THSD4: variants seen among roughly 807,000 people sequenced by gnomAD.
THSD4 encodes the protein thrombospondin type 1 domain containing 4.
In THSD4, 69 loss-of-function variants were observed where a neutral mutation model predicts 119.0. The ratio of observed to expected loss-of-function variants is 0.58; its 90% CI spans 0.48 to 0.71. The LOEUF is 0.71. THSD4 is among the 30% of genes least tolerant of loss of function. THSD4 has a pLI of 0.00. For synonymous variants in THSD4, 524 were observed against 540.4 expected (o/e 0.97, Z 0.42); for missense variants, 1,393 against 1,391.1 (o/e 1.00, Z -0.02).
chr15:71,155,746 CT>C (rs1482703388), intron 3 of THSD4, among the ~76,000 whole-genome samples: 1 of 152,170 alleles, frequency 6.6e-6, no homozygotes, highest in African/African-American at 2.4e-5. Context: ...AGAGAACCCC[CT>C]GATAGGGAGT....
At chr15:71,668,003 A>G (rs1256947624) in intron 8 of THSD4, among the ~76,000 whole-genome samples, 21 of 152,164 alleles carry the variant, frequency 1.4e-4, no homozygotes. Flanking sequence ...TATCATGGGT[A>G]TCTTTTCATA....
At chr15:71,592,283 C>T (rs1424743123) in intron 7 of THSD4, among the ~76,000 whole-genome samples, 1 of 152,216 alleles carries the variant, frequency 6.6e-6, no homozygotes, top group African/African-American at 2.4e-5. Context: ...CCTGTTCCCC[C>T]ATGTTCCACC....
chr15:71,463,674 GATCT>G (rs1363487127), intron 7 of THSD4, among the ~76,000 whole-genome samples: 2 of 152,128 alleles, frequency 1.3e-5, no homozygotes, highest in African/African-American at 4.8e-5. Context: ...GGTTCACAAA[GATCT>G]ATCTATTGAC....
chr15:71,667,883 G>A (rs77080847), intron 8 of THSD4, among the ~76,000 whole-genome samples: 13 of 152,136 alleles, frequency 8.5e-5, no homozygotes, highest in Non-Finnish European at 1.5e-4. Flanking sequence ...ACTGTTCACA[G>A]TTCATTGTGT....
chr15:71,469,180 G>A (rs1203215606), intron 7 of THSD4, among the ~76,000 whole-genome samples: 1 of 152,120 alleles, frequency 6.6e-6, no homozygotes, highest in Non-Finnish European at 1.5e-5. Context: ...TCAAACACCT[G>A]CAGCTCACTT....
At chr15:71,378,209 A>T (rs577234694) in intron 6 of THSD4, among the ~76,000 whole-genome samples, 1 of 152,304 alleles carries the variant, frequency 6.6e-6, no homozygotes, top group Non-Finnish European at 1.5e-5. Flanking sequence ...TCTGGCAGGT[A>T]ACAGTAAAGT....
rs1215586093 is a variant in THSD4 at position 71,559,305 on chromosome 15, T to A, written c.1153-101225T>A. Among the ~76,000 whole-genome samples, 5 of 152,300 alleles carry A rather than the reference T, an allele frequency of 3.3e-5. No homozygotes were observed. In the East Asian group the frequency reaches 9.6e-4, roughly 29 times the overall value. ...GTACCTGTGGTTTCTGAGTTTAGAATTTTTTCATCTCTGCAATAGTCTGTT... is the reference window on the plus strand; with the variant it reads ...GTACCTGTGGTTTCTGAGTTTAGAAATTTTTCATCTCTGCAATAGTCTGTT... On this transcript the variant is annotated intron_variant, in intron 7 of 17. Coordinates refer to ENST00000261862, the MANE Select transcript of THSD4 (RefSeq NM_024817.3).
At chr15:71,241,741 C>T (rs1031975181) in intron 4 of THSD4, among the ~76,000 whole-genome samples, 3 of 152,132 alleles carry the variant, frequency 2.0e-5, no homozygotes, top group South Asian at 2.1e-4. Context: ...CCACGTCCCC[C>T]GCCCCACCCC....
At chr15:71,217,631 A>C (rs2043945427) in intron 4 of THSD4, among the ~76,000 whole-genome samples, 1 of 152,092 alleles carries the variant, frequency 6.6e-6, no homozygotes, top group South Asian at 2.1e-4. Context: ...TCAAAAAAAA[A>C]AAAAAGATCA....
chr15:71,435,082 A>C (rs796249156), intron 7 of THSD4, among the ~76,000 whole-genome samples: 4 of 152,370 alleles, frequency 2.6e-5, no homozygotes, highest in African/African-American at 9.6e-5. Context: ...ATCAATGACA[A>C]ATGTGTGCTC....
At chr15:71,631,026 G>A (rs994433389) in intron 7 of THSD4, among the ~76,000 whole-genome samples, 4 of 152,116 alleles carry the variant, frequency 2.6e-5, no homozygotes, top group South Asian at 4.1e-4. Context: ...AAAAACACCC[G>A]CAGACATTTC....
intron 7 of THSD4, among the ~76,000 whole-genome samples, chr15:71,505,988 T>G (rs1179427856): frequency 6.6e-6 from 1 of 152,212 alleles, no homozygotes; most frequent in African/African-American, 2.4e-5. Context: ...AAATGGTGTT[T>G]TATTTATTTT....
At chr15:71,210,257 A>G (rs1399962557) in intron 3 of THSD4, among the ~76,000 whole-genome samples, 1 of 152,190 alleles carries the variant, frequency 6.6e-6, no homozygotes, top group Non-Finnish European at 1.5e-5. Flanking sequence ...TTTCATCTGT[A>G]AAGGGAGGTG....
intron 4 of THSD4, among the ~76,000 whole-genome samples, chr15:71,216,026 C>CT (rs1438013163): frequency 6.8e-6 from 1 of 147,782 alleles, no homozygotes; most frequent in Non-Finnish European, 1.5e-5. Flanking sequence ...TGGTATAGCT[C>CT]TAAGAAGCAT....
At chr15:71,761,576 A>G (rs2053628527) in intron 15 of THSD4, among the ~76,000 whole-genome samples, 1 of 152,254 alleles carries the variant, frequency 6.6e-6, no homozygotes, top group South Asian at 2.1e-4. Flanking sequence ...GTAAATTCAC[A>G]AAGTTGTACA....
intron 6 of THSD4, among the ~76,000 whole-genome samples, chr15:71,275,387 GC>G (rs2044578236): frequency 6.6e-6 from 1 of 152,218 alleles, no homozygotes. Flanking sequence ...CACTCTCCGA[GC>G]AGAGGTCACC....
chr15:71,602,492 G>A (rs113265154), intron 7 of THSD4, among the ~76,000 whole-genome samples: 11,481 of 132,658 alleles, frequency 0.087, 490 homozygotes, highest in Admixed American at 0.15. Flanking sequence ...GGCAGAGGTT[G>A]CAGTGAGCCA....
chr15:71,735,097 G>GACAC (rs141422821), intron 10 of THSD4, among the ~76,000 whole-genome samples: 143 of 150,566 alleles, frequency 9.5e-4, no homozygotes, highest in African/African-American at 3.4e-3. Context: ...CACACACACA[G>GACAC]ACACACACAC....
chr15:71,754,566 A>G (rs2053505673), intron 14 of THSD4, among the ~76,000 whole-genome samples: 1 of 152,234 alleles, frequency 6.6e-6, no homozygotes, highest in South Asian at 2.1e-4. Context: ...ATTGTCCCAG[A>G]TTTCTAATAG....
Sources: gnomAD v4.1 joint callset for allele counts (sites outside exome capture counted in the v4.1 genomes callset) on GRCh38, gnomAD v4.1.1 for gene constraint, MANE v1.5 for transcripts, NCBI Gene and HGNC (gene_info 2026-07-23, HGNC 2026-07-21) for gene names.